The following SETD3 variants were observed in gnomAD, a reference collection of about 807,000 sequenced individuals.
SETD3 encodes the protein SET domain containing 3, actin N3(tau)-histidine methyltransferase, also known as actin-histidine N-methyltransferase.
In SETD3, 19 loss-of-function variants were observed where a neutral mutation model predicts 63.0. The ratio of observed to expected loss-of-function variants is 0.30; its 90% confidence interval spans 0.21 to 0.44. The LOEUF (loss-of-function observed/expected upper bound fraction) is 0.44, where lower values mean the gene tolerates loss of function less well. Ranked by LOEUF, SETD3 falls within the 20% of genes least tolerant of loss-of-function variation. The pLI is 1.00. For missense variants in SETD3, 587 were observed against 728.5 expected (o/e 0.81, Z 2.24); for synonymous variants, 286 against 264.1 (o/e 1.08, Z -0.80).
chr14:99,427,422 A>G (rs1410679989), intron 6 of SETD3, among the ~76,000 whole-genome samples: 1 of 152,254 alleles, frequency 6.6e-6, no homozygotes, highest in African/African-American at 2.4e-5. Flanking sequence ...CTTGTGAGTA[A>G]GTGTGAAAAC....
intron 8 of SETD3, chr14:99,412,053 C>T (rs1892022770): frequency 6.6e-6 from 1 of 152,130 alleles, no homozygotes; most frequent in South Asian, 2.1e-4. Flanking sequence ...TATAATACTG[C>T]TAATAACAAG....
At chr14:99,405,148 C>A in intron 10 of SETD3, 57 bp downstream of exon 10, 1 of 1,559,890 alleles carries the variant, frequency 6.4e-7, no homozygotes, top group South Asian at 1.2e-5. Flanking sequence ...AAACACTATG[C>A]AACTGGAAAT....
chr14:99,481,675 A>C, upstream of SETD3: 1 of 382,078 alleles, frequency 2.6e-6, no homozygotes, highest in Non-Finnish European at 4.6e-6. Flanking sequence ...AGAGGGTCTG[A>C]GGCGCCGGGG....
intron 1 of SETD3, among the ~76,000 whole-genome samples, chr14:99,470,467 G>A (rs1001390242): frequency 6.6e-6 from 1 of 152,158 alleles, no homozygotes; most frequent in South Asian, 2.1e-4. Context: ...GGGGCAGGGG[G>A]GCTGCCTATC....
upstream of SETD3, among the ~76,000 whole-genome samples, chr14:99,483,314 C>T (rs1896401900): frequency 6.6e-6 from 1 of 151,774 alleles, no homozygotes; most frequent in Non-Finnish European, 1.5e-5. Context: ...TGTGGGAGGC[C>T]AAAGCTGGAG....
chr14:99,452,837 AGGCAGATCGCGG>A (rs1227365800), intron 6 of SETD3, among the ~76,000 whole-genome samples: 1 of 152,244 alleles, frequency 6.6e-6, no homozygotes, highest in Non-Finnish European at 1.5e-5. Context: ...CCGAGCCAGC[AGGCAGATCGCGG>A]GGGGAGAAAA....
intron 11 of SETD3, among the ~76,000 whole-genome samples, chr14:99,401,338 G>A (rs1031755117): frequency 1.3e-5 from 2 of 152,088 alleles, no homozygotes; most frequent in Non-Finnish European, 2.9e-5. Flanking sequence ...AAAACAAGCC[G>A]ATCCTATTCA....
At chr14:99,441,804 G>A (rs1020275572) in intron 6 of SETD3, among the ~76,000 whole-genome samples, 2 of 152,202 alleles carry the variant, frequency 1.3e-5, no homozygotes, top group Non-Finnish European at 2.9e-5. Context: ...TAAGCGTAAG[G>A]AAAAGTCAGT....
rs140391414 is a variant in SETD3, at chr14:99,401,626, T to C, written c.1178-1367A>G. On this transcript the variant is annotated intron_variant, in intron 11 of 12. Coordinates refer to ENST00000331768, the MANE Select transcript of SETD3 (RefSeq NM_032233.3). ...ACAAGCTATCTAATGTTCAAAAAAG[T>C]TTATTAACTTTTATTTGTTAGTAAA... Among the ~76,000 whole-genome samples the C allele has an allele frequency of 3.1e-3, 468 of 152,284 alleles. 3 individuals carry two copies. The highest frequency in any genetic ancestry group is 0.011 in the African/African-American group (450 of 41,548).
intron 6 of SETD3, among the ~76,000 whole-genome samples, chr14:99,419,011 A>G: frequency 6.6e-6 from 1 of 152,218 alleles, no homozygotes; most frequent in East Asian, 1.9e-4. Context: ...GTTGAACAGA[A>G]TGACAAATTG....
chr14:99,464,724 T>G (rs1265922271), intron 2 of SETD3, among the ~76,000 whole-genome samples: 5 of 152,246 alleles, frequency 3.3e-5, no homozygotes, highest in Admixed American at 6.5e-5. Context: ...AGGCACTAAT[T>G]GCACCAATTC....
chr14:99,463,407 T>C (rs1006161890), intron 3 of SETD3, 79 bp downstream of exon 3: 25 of 1,065,108 alleles, frequency 2.3e-5, no homozygotes, highest in South Asian at 1.8e-4. Flanking sequence ...CTGAGACCTT[T>C]ACTACTCGTC....
At chr14:99,410,932 G>A (rs1026674446) in intron 8 of SETD3, among the ~76,000 whole-genome samples, 2 of 152,166 alleles carry the variant, frequency 1.3e-5, no homozygotes, top group Non-Finnish European at 1.5e-5. Context: ...GAAGATGATC[G>A]TCAGGATAGA....
intron 6 of SETD3, among the ~76,000 whole-genome samples, chr14:99,452,100 TTTTG>T (rs565356779): frequency 1.2e-4 from 19 of 152,130 alleles, no homozygotes; most frequent in African/African-American, 2.4e-4. Context: ...AGACTTTGTT[TTTTG>T]TTTGTTTGTT....
At chr14:99,410,919 TAAG>T (rs1448891364) in intron 8 of SETD3, among the ~76,000 whole-genome samples, 1 of 152,176 alleles carries the variant, frequency 6.6e-6, no homozygotes, top group Non-Finnish European at 1.5e-5. Flanking sequence ...AGACTGACAA[TAAG>T]AAGATGATCG....
intron 6 of SETD3, among the ~76,000 whole-genome samples, chr14:99,450,337 A>G (rs1474097943): frequency 1.3e-5 from 2 of 152,246 alleles, no homozygotes; most frequent in Non-Finnish European, 2.9e-5. Context: ...ACATCTCTGG[A>G]AATTCACATC....
At chr14:99,403,165 GT>G (rs1392855439) in intron 11 of SETD3, among the ~76,000 whole-genome samples, 1 of 152,240 alleles carries the variant, frequency 6.6e-6, no homozygotes, top group South Asian at 2.1e-4. Context: ...TCGGGACTAG[GT>G]TTTTTCTGCC....
At chr14:99,421,069 CCCCCAA>C (rs1000801456) in intron 6 of SETD3, among the ~76,000 whole-genome samples, 3 of 131,744 alleles carry the variant, frequency 2.3e-5, no homozygotes, top group African/African-American at 8.9e-5. Flanking sequence ...CCCACCCCCA[CCCCCAA>C]CATCTCAATC....
At chr14:99,431,490 G>C (rs1344750467) in intron 6 of SETD3, among the ~76,000 whole-genome samples, 1 of 151,942 alleles carries the variant, frequency 6.6e-6, no homozygotes, top group African/African-American at 2.4e-5. Context: ...TGCATTAGTA[G>C]GAATTTTTTT....
Sources: gnomAD v4.1 joint callset for allele counts (sites outside exome capture counted in the v4.1 genomes callset) on GRCh38, gnomAD v4.1.1 for gene constraint, MANE v1.5 for transcripts, NCBI Gene and HGNC (gene_info 2026-07-23, HGNC 2026-07-21) for gene names.